The following SUN3 variants were observed in gnomAD, a reference collection of about 807,000 sequenced individuals.
SUN3 encodes SUN domain-containing protein 3.
A neutral mutation model predicts 48.2 loss-of-function variants in SUN3; 36 were observed. That is an observed-to-expected ratio of 0.75 (90% CI 0.57 to 0.99). SUN3 has a LOEUF of 0.99. Ranked by LOEUF, SUN3 falls within the 50% of genes least tolerant of loss-of-function variation. The pLI, the probability that SUN3 is intolerant of heterozygous loss-of-function variation, is 0.00. For synonymous variants in SUN3, 148 were observed against 147.9 expected (o/e 1.00, Z 0.00); for missense variants, 419 against 433.1 (o/e 0.97, Z 0.29).
In SUN3 at chr7:47,988,818, T is replaced by C. The variant is rs1266805858; in HGVS notation, c.924A>G (p.Thr308=). Reference sequence around the variant, plus strand: ...GTTCAAATGTTTGAACGGTGGTTCCTGTTTTGTTATATATAAACTGACCTA... The same window carrying C: ...GTTCAAATGTTTGAACGGTGGTTCCCGTTTTGTTATATATAAACTGACCTA... ...IFLGQFIYNK[T]GTTVQTFELQ... The change falls in exon 9 of 10, where the codon ACA becomes ACG. Residue 308 remains threonine, a synonymous_variant. Transcript: ENST00000297325. 1.2e-6 allele frequency: 2 copies of C among 1,607,032 alleles called. No individual in the cohort carries two copies. The highest frequency in any genetic ancestry group is 1.7e-5 in the Admixed American group (1 of 59,178).
chr7:48,016,885 T>G (rs1789828748), intron 3 of SUN3, among the ~76,000 whole-genome samples: 1 of 152,194 alleles, frequency 6.6e-6, no homozygotes, highest in African/African-American at 2.4e-5. Context: ...GGTTCTACCA[T>G]GGCAGAAGGG....
intron 8 of SUN3, among the ~76,000 whole-genome samples, chr7:47,993,606 T>C (rs1474622420): frequency 6.6e-6 from 1 of 152,162 alleles, no homozygotes; most frequent in East Asian, 1.9e-4. Flanking sequence ...ATGTATAGAA[T>C]AGGTAAATTT....
At chr7:48,019,414 C>T (rs1003344249) in intron 2 of SUN3, among the ~76,000 whole-genome samples, 1 of 151,240 alleles carries the variant, frequency 6.6e-6, no homozygotes, top group Non-Finnish European at 1.5e-5. Flanking sequence ...CAAACCAACC[C>T]CAAAATGAGT....
intron 6 of SUN3, among the ~76,000 whole-genome samples, chr7:47,998,905 G>A (rs1176927721): frequency 6.6e-6 from 1 of 152,094 alleles, no homozygotes; most frequent in African/African-American, 2.4e-5. Context: ...TAAACTTATA[G>A]TAAGCCTTAA....
In SUN3 at chr7:47,994,421, T is replaced by G. The variant is rs115353261; in HGVS notation, c.755A>C (p.Lys252Thr). The G allele has an allele frequency of 6.2e-7, 1 of 1,613,114 alleles. No homozygotes were observed. The highest frequency in any genetic ancestry group is 8.5e-7 in the Non-Finnish European group (1 of 1,179,588). ...FPGSQGHTLI[K>T]LATKIIPTAV... is the part of the protein sequence containing the mutation. Reference sequence around the variant, plus strand: ...AGTTGGTATGATCTTTGTAGCAAGCTTGATTAGGGTATGACCCTGGGAACC... The same window carrying G: ...AGTTGGTATGATCTTTGTAGCAAGCGTGATTAGGGTATGACCCTGGGAACC... The change falls in exon 8 of 10, where the codon AAG (lysine) becomes ACG (threonine). Residue 252 changes from lysine to threonine, a missense_variant. Coordinates refer to ENST00000297325, the MANE Select transcript of SUN3 (RefSeq NM_001030019.2).
intron 6 of SUN3, among the ~76,000 whole-genome samples, chr7:48,003,816 T>G (rs550783817): frequency 6.6e-6 from 1 of 152,204 alleles, no homozygotes; most frequent in Non-Finnish European, 1.5e-5. Flanking sequence ...GCTGAGACTA[T>G]GGGGTTTTCT....
intron 4 of SUN3, among the ~76,000 whole-genome samples, chr7:48,008,466 T>C (rs1164324553): frequency 6.6e-6 from 1 of 152,244 alleles, no homozygotes. Context: ...CTTCATTTCA[T>C]GAATATATTC....
chr7:48,006,240 C>A (rs1249802431), intron 5 of SUN3, among the ~76,000 whole-genome samples, 187 bp from the exon 6 acceptor site: 1 of 152,122 alleles, frequency 6.6e-6, no homozygotes, highest in Non-Finnish European at 1.5e-5. Context: ...TTGGGAGTGT[C>A]ATTTTCAGGA....
At chr7:48,031,798 A>C (rs1269597789), upstream of SUN3, among the ~76,000 whole-genome samples, 1 of 150,150 alleles carries the variant, frequency 6.7e-6, no homozygotes, top group Non-Finnish European at 1.5e-5. Context: ...AAACAACCCA[A>C]GTGTTTATTG....
intron 3 of SUN3, among the ~76,000 whole-genome samples, chr7:48,015,317 T>C (rs1444271467): frequency 6.6e-6 from 1 of 152,196 alleles, no homozygotes; most frequent in Non-Finnish European, 1.5e-5. Flanking sequence ...AGCTGTGCTT[T>C]TGTCTAAGAC....
intron 1 of SUN3, among the ~76,000 whole-genome samples, chr7:48,026,996 A>AC (rs1236971033): frequency 2.6e-5 from 4 of 152,022 alleles, no homozygotes; most frequent in Non-Finnish European, 4.4e-5. Context: ...GCCCTTATCA[A>AC]CCCTATACCT....
At chr7:48,034,925 T>C in the SUN3 span, among the ~76,000 whole-genome samples, 1 of 152,186 alleles carries the variant, frequency 6.6e-6, no homozygotes, top group African/African-American at 2.4e-5. Flanking sequence ...ATAATTTTAT[T>C]ATCGACACAC....
intron 6 of SUN3, 104 bp downstream of exon 6, chr7:48,005,865 A>T: frequency 2.1e-6 from 1 of 484,330 alleles, no homozygotes; most frequent in Non-Finnish European, 3.6e-6. Context: ...CCCCCAAGTT[A>T]CCAGATAAAT....
At chr7:48,002,805 A>T (rs1486163304) in intron 6 of SUN3, among the ~76,000 whole-genome samples, 1 of 152,192 alleles carries the variant, frequency 6.6e-6, no homozygotes, top group African/African-American at 2.4e-5. Flanking sequence ...ATCTTTGCCC[A>T]TGCCTATGTC....
At chr7:48,005,656 G>A (rs1258263067) in intron 6 of SUN3, among the ~76,000 whole-genome samples, 3 of 151,546 alleles carry the variant, frequency 2.0e-5, no homozygotes, top group Admixed American at 6.6e-5. Flanking sequence ...AGTAATTTTA[G>A]TATATAATAA....
chr7:48,030,747 G>A (rs943558079), upstream of SUN3, among the ~76,000 whole-genome samples: 2 of 152,140 alleles, frequency 1.3e-5, no homozygotes, highest in African/African-American at 4.8e-5. Context: ...ATCCATATGT[G>A]TGAATATATC....
intron 3 of SUN3, among the ~76,000 whole-genome samples, chr7:48,011,566 T>C (rs1316648499): frequency 6.6e-6 from 1 of 152,242 alleles, no homozygotes; most frequent in Non-Finnish European, 1.5e-5. Flanking sequence ...AACTTCCCTG[T>C]CAGTAGGAGC....
At chr7:47,992,583 G>C (rs1188870730) in intron 8 of SUN3, among the ~76,000 whole-genome samples, 2 of 152,054 alleles carry the variant, frequency 1.3e-5, no homozygotes, top group Non-Finnish European at 2.9e-5. Context: ...AAATTAGACA[G>C]TAAGTTGAAT....
chr7:48,012,624 A>G (rs1255188978), intron 3 of SUN3, among the ~76,000 whole-genome samples: 5 of 152,216 alleles, frequency 3.3e-5, no homozygotes, highest in Non-Finnish European at 5.9e-5. Flanking sequence ...TGGGTAAATA[A>G]CTAAGCTTGC....
Sources: allele counts gnomAD v4.1 joint callset (sites outside exome capture counted in the v4.1 genomes callset), GRCh38; gene constraint gnomAD v4.1.1; transcripts MANE v1.5; gene names NCBI Gene and HGNC (gene_info 2026-07-23, HGNC 2026-07-21).